The following ZDHHC13 variants were observed in gnomAD, a reference collection of about 807,000 sequenced individuals.
ZDHHC13 encodes zDHHC palmitoyltransferase 13.
Under a neutral mutation model 86.0 loss-of-function variants are expected in ZDHHC13, and 85 were observed. The observed-to-expected ratio is 0.99, with a 90% CI of 0.83 to 1.18. The LOEUF (loss-of-function observed/expected upper bound fraction) is 1.18, where lower values mean the gene tolerates loss of function less well. ZDHHC13 is among the 50% of genes most tolerant of loss of function. ZDHHC13 has a pLI of 0.00. For synonymous variants in ZDHHC13, 263 were observed against 246.4 expected (o/e 1.07, Z -0.63); for missense variants, 711 against 730.2 (o/e 0.97, Z 0.30).
chr11:19,143,157 G>GTTCTCTAGAATTAATAGAATTACTATTAA (rs1565028233), intron 2 of ZDHHC13, 34 bp downstream of exon 2: 82 of 1,589,664 alleles, frequency 5.2e-5, no homozygotes, highest in Non-Finnish European at 6.8e-5. Flanking sequence ...TTATCCTTAT[G>GTTCTCTAGAATTAATAGAATTACTATTAA]TTCTCTAGAA....
At chr11:19,129,886 A>T (rs930596896) in intron 1 of ZDHHC13, among the ~76,000 whole-genome samples, 3 of 152,020 alleles carry the variant, frequency 2.0e-5, no homozygotes, top group African/African-American at 7.2e-5. Flanking sequence ...AGGTCAGGAG[A>T]TCGAGACCAT....
At chr11:19,140,535 A>G (rs1344606434) in intron 1 of ZDHHC13, among the ~76,000 whole-genome samples, 1 of 152,154 alleles carries the variant, frequency 6.6e-6, no homozygotes, top group East Asian at 1.9e-4. Context: ...AGAACTAGAA[A>G]TACCATTTGA....
Position 19,143,092 on chromosome 11 carries a change from T to G in ZDHHC13, c.142T>G (p.Ser48Ala), listed in dbSNP as rs755400918. Residue 48 changes from serine to alanine, a missense_variant, in exon 2 of 17, where the codon TCT (serine) becomes GCT (alanine). Physicochemically the swap from Ser to Ala is moderately conservative, Grantham distance 99 (BLOSUM62 1). Transcript: ENST00000446113. ...AGAAGCTCTTCCTCTTATAGAGGAC[T>G]CTAGTAACTGTGACATTGTCAAAGC... ...AREALPLIED[S>A]SNCDIVKATQ... is the part of the protein sequence containing the mutation. The G allele has an allele frequency of 6.2e-7, 1 of 1,613,238 alleles. No individual in the cohort carries two copies. The highest frequency in any genetic ancestry group is 1.7e-5 in the Admixed American group (1 of 59,948).
Position 19,152,639 on chromosome 11 carries a change from A to G in ZDHHC13, c.828A>G (p.Arg276=), listed in dbSNP as rs774302493. 1.9e-6 allele frequency: 3 copies of G among 1,613,400 alleles called. No homozygotes were observed. The highest frequency in any genetic ancestry group is 1.7e-6 in the Non-Finnish European group (2 of 1,179,414). The change falls in exon 8 of 17, where the codon AGA becomes AGG. Residue 276 remains arginine, a synonymous_variant. Transcript: ENST00000446113. ...TGCTAAAAACAGAAGCCAAAATGAG[A>G]GCCAACCAAAAGTTCAGACTTTGGA... The part of the protein sequence containing the change: ...IHMLKTEAKM[R]ANQKFRLWRW...
At position 19,158,947 on chromosome 11, in the gene ZDHHC13, G is replaced by A; in HGVS notation, c.1015G>A (p.Val339Ile). The change falls in exon 10 of 17, where the codon GTT (valine) becomes ATT (isoleucine). Residue 339 changes from valine (V) to isoleucine (I), a missense_variant. Coordinates refer to ENST00000446113, the MANE Select transcript of ZDHHC13 (RefSeq NM_019028.3). ...TTATCTTTTTTCTTTTAGGTTCTTG[G>A]TTGGGTATAAGAACCTTGTATACTT... ...FLTSLFPRFL[V>I]GYKNLVYLPT... The A allele has an allele frequency of 1.3e-6, 2 of 1,524,932 alleles. No individual in the cohort carries two copies. Among genetic ancestry groups the A allele is most frequent in the Non-Finnish European group, 8.8e-7 (1 of 1,136,200 alleles). 94.5% of individuals were successfully genotyped at this position (1,524,932 alleles called of 1,614,324 possible).
chr11:19,117,158 A>C (rs180913804), upstream of ZDHHC13: 18 of 1,393,310 alleles, frequency 1.3e-5, no homozygotes, highest in Middle Eastern at 4.9e-4. The surrounding 1 kb of genome is among the most constrained non-coding windows in gnomAD (Gnocchi z 4.2). Context: ...CGCCAGCAGG[A>C]AGTGGGAGAA....
At chr11:19,119,836 G>A (rs1264062580) in intron 1 of ZDHHC13, among the ~76,000 whole-genome samples, 1 of 152,176 alleles carries the variant, frequency 6.6e-6, no homozygotes, top group African/African-American at 2.4e-5. Context: ...GTCAATGAAT[G>A]AACTTGGAAA....
At chr11:19,149,774 A>G (rs1316955539) in intron 5 of ZDHHC13, among the ~76,000 whole-genome samples, 1 of 152,246 alleles carries the variant, frequency 6.6e-6, no homozygotes, top group Non-Finnish European at 1.5e-5. Flanking sequence ...ATGAAAATTG[A>G]CTTGCCTTGA....
intron 1 of ZDHHC13, among the ~76,000 whole-genome samples, chr11:19,137,065 A>G (rs996049417): frequency 6.6e-6 from 1 of 152,186 alleles, no homozygotes; most frequent in African/African-American, 2.4e-5. Flanking sequence ...CACACATAAC[A>G]GTATTAACTT....
intron 1 of ZDHHC13, among the ~76,000 whole-genome samples, chr11:19,119,930 C>G (rs538158815): frequency 4.6e-5 from 7 of 152,186 alleles, no homozygotes; most frequent in Non-Finnish European, 8.8e-5. Flanking sequence ...CTCACTCGCT[C>G]CTTCTCTCTC....
Position 19,149,185 on chromosome 11 carries a change from A to G in ZDHHC13, c.375-2A>G, listed in dbSNP as rs756107392. On this transcript the variant is annotated splice_acceptor_variant, in intron 4 of 16. Transcript: ENST00000446113. LOFTEE classifies it high-confidence loss of function. ...GAATGGCTTTTTGTCTTCTATTTGC[A>G]GACAAGGACATTTACCTATGGTCAT... The G allele has an allele frequency of 1.3e-6, 2 of 1,540,056 alleles. No individual in the cohort carries two copies. The highest frequency in any genetic ancestry group is 1.8e-6 in the Non-Finnish European group (2 of 1,133,854).
intron 1 of ZDHHC13, among the ~76,000 whole-genome samples, chr11:19,129,046 A>T (rs1348719524): frequency 6.6e-6 from 1 of 152,356 alleles, no homozygotes; most frequent in East Asian, 1.9e-4. Flanking sequence ...TAATGAAAGC[A>T]TGGCTATATT....
At position 19,117,180 on chromosome 11, in the gene ZDHHC13, AGGCGGGCT is replaced by A; in HGVS notation, c.-56_-49del. 5 of 1,514,444 alleles carry A rather than the reference AGGCGGGCT, an allele frequency of 3.3e-6. No homozygotes were observed. The highest frequency in any genetic ancestry group is 1.8e-6 in the Non-Finnish European group (2 of 1,128,594). The allele number at this position is 1,514,444 out of a possible 1,614,324, so 93.8% of individuals were successfully genotyped here. A position where few individuals can be genotyped will look rare whatever the true frequency, so the allele number is the denominator to read the frequency against. ...AGGAAGTGGGAGAAGAGGCGACCCA[AGGCGGGCT>A]GGCGGGCTGGCGGCAGTCGCTACTT... On this transcript the variant is annotated 5_prime_UTR_variant, in exon 1 of 17. Transcript: ENST00000446113. The surrounding 1 kb of genome is among the most constrained non-coding windows in gnomAD (Gnocchi z 4.2).
chr11:19,135,732 G>A lies in ZDHHC13; in HGVS notation c.28-7246G>A, dbSNP rs550089313. 1.1e-4 allele frequency among the ~76,000 whole-genome samples: 17 copies of A among 152,324 alleles called. No individual in the cohort carries two copies. The South Asian group carries it at 3.1e-3, about 28-fold the overall frequency. ...AGCATGCAGCTGGAGATCTGAGAAC[G>A]GGCAGACTGCCTCCTCAAGTGGGTC... On this transcript the variant is annotated intron_variant, in intron 1 of 16. Transcript: ENST00000446113.
chr11:19,159,614 A>T (rs1397449800), intron 10 of ZDHHC13, among the ~76,000 whole-genome samples: 1 of 150,670 alleles, frequency 6.6e-6, no homozygotes, highest in Non-Finnish European at 1.5e-5. Flanking sequence ...AAAAATTTTA[A>T]TCATGGCCCA....
chr11:19,138,776 T>C (rs1284889384), intron 1 of ZDHHC13, among the ~76,000 whole-genome samples: 12 of 151,936 alleles, frequency 7.9e-5, no homozygotes, highest in African/African-American at 2.7e-4. Context: ...AATCAATAAA[T>C]GTAATCCAGC....
At chr11:19,154,410 T>C (rs1055795231) in intron 8 of ZDHHC13, among the ~76,000 whole-genome samples, 3 of 152,158 alleles carry the variant, frequency 2.0e-5, no homozygotes, top group Admixed American at 2.0e-4. Context: ...CCATTTTGTG[T>C]CATCATGCCA....
intron 15 of ZDHHC13, among the ~76,000 whole-genome samples, chr11:19,170,793 G>T (rs1282473851): frequency 6.6e-6 from 1 of 152,156 alleles, no homozygotes; most frequent in African/African-American, 2.4e-5. Flanking sequence ...TGGTTTAAAG[G>T]TTAGCATAAT....
chr11:19,176,212 CT>C lies in ZDHHC13; in HGVS notation c.*259del. On this transcript the variant is annotated 3_prime_UTR_variant, in exon 17 of 17. Transcript: ENST00000446113. ...ATTTTTCACAAGAAAATGCAAGTTACTTTTTTTGGAAATAATACTCACTGAT... is the reference window on the plus strand; with the variant it reads ...ATTTTTCACAAGAAAATGCAAGTTACTTTTTTGGAAATAATACTCACTGAT... 6 of 315,732 alleles carry C rather than the reference CT, an allele frequency of 1.9e-5. No homozygotes were observed. Among genetic ancestry groups the C allele is most frequent in the South Asian group, 8.1e-5 (1 of 12,316 alleles). The allele number at this position is 315,732 out of a possible 1,614,324, so 19.6% of individuals were successfully genotyped here. A position where few individuals can be genotyped will look rare whatever the true frequency, so the allele number is the denominator to read the frequency against.
Sources: allele counts gnomAD v4.1 joint callset (sites outside exome capture counted in the v4.1 genomes callset), GRCh38; gene constraint gnomAD v4.1.1; non-coding constraint Gnocchi (gnomAD v3.1); transcripts MANE v1.5; gene names NCBI Gene and HGNC (gene_info 2026-07-23, HGNC 2026-07-21).